The following PCDHGB1 variants were observed in gnomAD, a reference collection of about 807,000 sequenced individuals.
The protein encoded by PCDHGB1 is protocadherin gamma subfamily B, 1.
A neutral mutation model predicts 56.6 loss-of-function variants in PCDHGB1; 34 were observed. That is an observed-to-expected ratio of 0.60 (90% CI 0.46 to 0.80). The LOEUF (loss-of-function observed/expected upper bound fraction) is 0.80. Among genes scored for constraint, PCDHGB1 ranks in the 30% least tolerant of loss-of-function variants. The pLI is 0.00. For missense variants in PCDHGB1, 1,278 were observed against 1,204.6 expected, an observed-to-expected ratio of 1.06 and a Z score of -0.90; for synonymous variants, 561 against 505.9, an observed-to-expected ratio of 1.11 and a Z score of -1.46.
intron 1 of PCDHGB1, chr5:141,370,945 A>G (rs926355421): frequency 6.2e-7 from 1 of 1,614,020 alleles, no homozygotes; most frequent in Non-Finnish European, 8.5e-7. Context: ...ATTCAGAAGG[A>G]GAACCTGGAT....
At position 141,485,229 on chromosome 5, in the gene PCDHGB1, TC is replaced by T; in HGVS notation, c.2410-9576del. On this transcript the variant is annotated intron_variant, in intron 1 of 3. Transcript: ENST00000523390. The surrounding 1 kb of genome is among the most constrained non-coding windows in gnomAD (Gnocchi z 5.7). ...ATCTGGCGGTGGGCTACCCTTTTGT[TC>T]CTCTTTTACCACCTGGGTTACGTTT... 6.2e-7 allele frequency: 1 copy of T among 1,614,160 alleles called. No homozygotes were observed. The highest frequency in any genetic ancestry group is 8.5e-7 in the Non-Finnish European group (1 of 1,180,022).
chr5:141,350,406 C>A lies in PCDHGB1; in HGVS notation c.146C>A (p.Ala49Asp). The A allele has an allele frequency of 6.2e-7, 1 of 1,601,144 alleles. No homozygotes were observed. Among genetic ancestry groups the A allele is most frequent in the Non-Finnish European group, 8.5e-7 (1 of 1,170,980 alleles). ...AACGGCTCACGGGTGGGGAAACTTG[C>A]CAAGGATCTGGGGCTCAGTGTCCGG... ...LANGSRVGKLAKDLGLSVREL... is the reference protein window; with the variant it reads ...LANGSRVGKLDKDLGLSVREL... The change falls in exon 1 of 4, where the codon GCC (alanine) becomes GAC (aspartate). Residue 49 changes from alanine to aspartate, a missense_variant. Transcript: ENST00000523390.
At chr5:141,435,010 G>A (rs2097736933) in intron 1 of PCDHGB1, among the ~76,000 whole-genome samples, 1 of 151,950 alleles carries the variant, frequency 6.6e-6, no homozygotes, top group Non-Finnish European at 1.5e-5. Flanking sequence ...ATTTATCAAT[G>A]ATAATGCTCT....
At chr5:141,365,090 A>T (rs774588043) in intron 1 of PCDHGB1, 1 of 1,613,830 alleles carries the variant, frequency 6.2e-7, no homozygotes, top group Non-Finnish European at 8.5e-7. Context: ...TGTTCCAGAG[A>T]ACATACCTGT....
chr5:141,473,626 G>A lies in PCDHGB1; in HGVS notation c.2410-21181G>A, dbSNP rs149882847. ...GCAAAGCAAAGGGAGGGAGGAAAAA[G>A]CAGCTTTCCTGGCAAAGGAACAATT... On this transcript the variant is annotated intron_variant, in intron 1 of 3. Transcript: ENST00000523390. Among the ~76,000 whole-genome samples, 1,234 of 152,276 alleles carry A rather than the reference G, an allele frequency of 8.1e-3. 14 individuals are homozygous for A. Among genetic ancestry groups the A allele is most frequent in the Non-Finnish European group, 0.011 (715 of 68,020 alleles).
In PCDHGB1 at chr5:141,488,566, A is replaced by T. The variant is rs1354931497; in HGVS notation, c.2410-6241A>T. On this transcript the variant is annotated intron_variant, in intron 1 of 3. Coordinates refer to ENST00000523390, the MANE Select transcript of PCDHGB1 (RefSeq NM_018922.3). ...TGTCAGCTGACATTGAGATTTCCGC[A>T]AAGCATTGCTGGAGAGTCAGGGCAA... 5.9e-5 allele frequency among the ~76,000 whole-genome samples: 9 copies of T among 152,324 alleles called. No individual in the cohort carries two copies. In the East Asian group the frequency reaches 1.5e-3, roughly 26 times the overall value.
chr5:141,352,398 G>A lies in PCDHGB1; in HGVS notation c.2138G>A (p.Arg713His). 3 of 1,613,996 alleles carry A rather than the reference G, an allele frequency of 1.9e-6. No individual in the cohort carries two copies. Among genetic ancestry groups the A allele is most frequent in the Non-Finnish European group, 2.5e-6 (3 of 1,179,892 alleles). The change falls in exon 1 of 4, where the codon CGT becomes CAT. Residue 713 changes from arginine (R) to histidine (H), a missense_variant. Physicochemically the swap from Arg to His is conservative, Grantham distance 29. Coordinates refer to ENST00000523390, the MANE Select transcript of PCDHGB1 (RefSeq NM_018922.3). ...CTAGCGATCGCCCTGCGCCTGCGAC[G>A]TTCCTCCAGCCTCGACACTGAGGGC... ...VILAIALRLR[R>H]SSSLDTEGCF...
chr5:141,449,916 T>C (rs1453191109), intron 1 of PCDHGB1, among the ~76,000 whole-genome samples: 1 of 151,912 alleles, frequency 6.6e-6, no homozygotes, highest in East Asian at 1.9e-4. Context: ...CATATTTAAA[T>C]TCTACCATAC....
rs2099686717 is a variant in PCDHGB1, at chr5:141,489,403, A to C, written c.2410-5404A>C. The C allele has an allele frequency of 6.2e-7, 1 of 1,614,172 alleles. No homozygotes were observed. Among genetic ancestry groups the C allele is most frequent in the East Asian group, 2.2e-5 (1 of 44,884 alleles). On this transcript the variant is annotated intron_variant, in intron 1 of 3. Coordinates refer to ENST00000523390, the MANE Select transcript of PCDHGB1 (RefSeq NM_018922.3). The surrounding 1 kb of genome is among the most constrained non-coding windows in gnomAD (Gnocchi z 4.5). ...GAATGTTGCTCAGGATCTGGGCTTA[A>C]AGATGACAGATCTGTTGAGCCGGCG...
intron 1 of PCDHGB1, among the ~76,000 whole-genome samples, chr5:141,453,510 T>C (rs11958830): frequency 0.2 from 30,607 of 152,026 alleles, 3,435 homozygotes; most frequent in African/African-American, 0.31. Flanking sequence ...AAAATTGTCA[T>C]TCCTCCCCTA....
intron 1 of PCDHGB1, chr5:141,365,140 T>A (rs1248275152): frequency 6.2e-7 from 1 of 1,613,764 alleles, no homozygotes; most frequent in African/African-American, 1.3e-5. Flanking sequence ...CGGATCCAGA[T>A]GAGGGAATAA....
intron 1 of PCDHGB1, chr5:141,374,097 A>G (rs1277096139): frequency 3.2e-6 from 5 of 1,560,098 alleles, no homozygotes; most frequent in Non-Finnish European, 4.3e-6. Flanking sequence ...GCGCCTCCGC[A>G]GAGGCATCCG....
intron 1 of PCDHGB1, among the ~76,000 whole-genome samples, chr5:141,478,999 A>C (rs1220971456): frequency 2.0e-5 from 3 of 152,194 alleles, no homozygotes. Context: ...ATTAAAACTA[A>C]TAGCTTTTTG....
Position 141,375,862 on chromosome 5 carries a change from G to T in PCDHGB1, c.2409+23193G>T, listed in dbSNP as rs759161440. 4.3e-6 allele frequency: 7 copies of T among 1,613,976 alleles called. No individual in the cohort carries two copies. The South Asian group carries it at 7.7e-5, about 18-fold the overall frequency. On this transcript the variant is annotated intron_variant, in intron 1 of 3. Coordinates refer to ENST00000523390, the MANE Select transcript of PCDHGB1 (RefSeq NM_018922.3). Reference sequence around the variant, plus strand: ...GCTACCTGGTGACCAAGGTGGTGGCGGTGGACAGAGACTCGGGCCAGAACG... The same window carrying T: ...GCTACCTGGTGACCAAGGTGGTGGCTGTGGACAGAGACTCGGGCCAGAACG...
At chr5:141,392,979 C>T (rs1356713892) in intron 1 of PCDHGB1, 4 of 1,613,718 alleles carry the variant, frequency 2.5e-6, no homozygotes, top group Admixed American at 1.7e-5. Context: ...GGGGCTGGAC[C>T]CCCGGAAGCT....
chr5:141,489,061 C>A lies in PCDHGB1; in HGVS notation c.2410-5746C>A. On this transcript the variant is annotated intron_variant, in intron 1 of 3. Coordinates refer to ENST00000523390, the MANE Select transcript of PCDHGB1 (RefSeq NM_018922.3). This position sits in a 1 kb window ranked among gnomAD's most constrained non-coding sequence, Gnocchi z 4.5. ...AGCTCCACTCAAATTCAGCTCCCCT[C>A]CCCCCTGCCCACCCCCGCCACTCGG... 5 of 347,080 alleles carry A rather than the reference C, an allele frequency of 1.4e-5. No individual in the cohort carries two copies. The highest frequency in any genetic ancestry group is 2.2e-5 in the African/African-American group (1 of 46,422). 21.5% of individuals were successfully genotyped at this position (347,080 alleles called of 1,614,324 possible). A position where few individuals can be genotyped will look rare whatever the true frequency, so the allele number is the denominator to read the frequency against.
intron 1 of PCDHGB1, among the ~76,000 whole-genome samples, chr5:141,447,896 G>C (rs2098554754): frequency 6.6e-6 from 1 of 152,022 alleles, no homozygotes; most frequent in African/African-American, 2.4e-5. Flanking sequence ...GACCAGCCTG[G>C]CCAACATGGT....
intron 1 of PCDHGB1, chr5:141,478,694 T>G: frequency 1.3e-6 from 2 of 1,550,598 alleles, no homozygotes; most frequent in Non-Finnish European, 1.7e-6. Context: ...TAGATCAAAG[T>G]TAGTGCCTTT....
Position 141,487,278 on chromosome 5 carries a change from T to G in PCDHGB1, c.2410-7529T>G. 6 of 1,614,180 alleles carry G rather than the reference T, an allele frequency of 3.7e-6. No individual in the cohort carries two copies. Among genetic ancestry groups the G allele is most frequent in the Non-Finnish European group, 5.1e-6 (6 of 1,180,040 alleles). On this transcript the variant is annotated intron_variant, in intron 1 of 3. Coordinates refer to ENST00000523390, the MANE Select transcript of PCDHGB1 (RefSeq NM_018922.3). The surrounding 1 kb of genome is among the most constrained non-coding windows in gnomAD (Gnocchi z 5.0). Reference sequence around the variant, plus strand: ...GCTGTGTCCCTAGTGGCAATTTGCTTTGTCTCCTTTGGCTCATTCGTGGCA... The same window carrying G: ...GCTGTGTCCCTAGTGGCAATTTGCTGTGTCTCCTTTGGCTCATTCGTGGCA...
Sources: gnomAD v4.1 joint callset for allele counts (sites outside exome capture counted in the v4.1 genomes callset) on GRCh38, gnomAD v4.1.1 for gene constraint, Gnocchi (gnomAD v3.1) non-coding constraint, MANE v1.5 for transcripts, NCBI Gene and HGNC (gene_info 2026-07-23, HGNC 2026-07-21) for gene names.